Variants in RBFOX1 observed in about 807,000 individuals in gnomAD.
The protein encoded by RBFOX1 is RNA binding protein fox-1 homolog 1.
RBFOX1 carries 8 observed loss-of-function variants against 57.7 expected under a neutral mutation model. The observed-to-expected ratio is 0.14, with a 90% confidence interval of 0.08 to 0.25. RBFOX1 has a LOEUF of 0.25. Ranked by LOEUF, RBFOX1 falls within the 10% of genes least tolerant of loss-of-function variation. The pLI is 1.00. For missense variants in RBFOX1, 611 were observed against 548.5 expected (o/e 1.11, Z -1.14); for synonymous variants, 326 against 222.4 (o/e 1.47, Z -4.15).
chr16:7,657,576 A>C (rs2066628584), intron 12 of RBFOX1, among the ~76,000 whole-genome samples: 1 of 152,214 alleles, frequency 6.6e-6, no homozygotes, highest in African/African-American at 2.4e-5. Flanking sequence ...AAGTGCTGGG[A>C]TTATAGGCGT....
chr16:5,606,242 C>T (rs2047573300), intron 3 of RBFOX1, among the ~76,000 whole-genome samples: 1 of 152,054 alleles, frequency 6.6e-6, no homozygotes, highest in South Asian at 2.1e-4. Context: ...TACTCTCCTC[C>T]CACCCTGTCC....
chr16:7,581,347 G>A (rs957410977), intron 6 of RBFOX1, among the ~76,000 whole-genome samples: 1 of 152,178 alleles, frequency 6.6e-6, no homozygotes, highest in African/African-American at 2.4e-5. Context: ...TTAAGTGTGT[G>A]TGAGGCAGTA....
chr16:5,597,230 C>T (rs553005555), intron 2 of RBFOX1, among the ~76,000 whole-genome samples: 1 of 146,222 alleles, frequency 6.8e-6, no homozygotes, highest in Non-Finnish European at 1.5e-5. Context: ...ATACACCTCT[C>T]CTTCCCACCC....
At chr16:7,537,107 G>A (rs1426675851) in intron 5 of RBFOX1, among the ~76,000 whole-genome samples, 4 of 152,192 alleles carry the variant, frequency 2.6e-5, no homozygotes, top group Non-Finnish European at 4.4e-5. Context: ...GTTTGATTTT[G>A]GGAATGATCT....
chr16:6,012,926 G>A (rs147578584), intron 4 of RBFOX1, among the ~76,000 whole-genome samples: 1 of 152,308 alleles, frequency 6.6e-6, no homozygotes, highest in East Asian at 1.9e-4. Flanking sequence ...TCTAGATCAC[G>A]TGACTGGGAA....
intron 1 of RBFOX1, among the ~76,000 whole-genome samples, chr16:5,423,303 C>A (rs1325375352): frequency 6.6e-6 from 1 of 151,946 alleles, no homozygotes; most frequent in Non-Finnish European, 1.5e-5. Context: ...AACCACAGAC[C>A]CTGTTCACTG....
intron 4 of RBFOX1, among the ~76,000 whole-genome samples, chr16:7,058,006 G>GAA (rs61023664): frequency 0.14 from 18,752 of 136,326 alleles, 1,518 homozygotes; most frequent in African/African-American, 0.18. Context: ...AGACTGTGGG[G>GAA]AAAAAAAAAA....
intron 2 of RBFOX1, among the ~76,000 whole-genome samples, chr16:6,613,720 C>A (rs749435987): frequency 2.0e-5 from 3 of 152,130 alleles, no homozygotes; most frequent in Non-Finnish European, 4.4e-5. Context: ...GCAGATCACT[C>A]GAGGCCAAGC....
intron 2 of RBFOX1, among the ~76,000 whole-genome samples, chr16:6,499,331 T>C (rs1039155694): frequency 6.6e-6 from 1 of 152,126 alleles, no homozygotes. Flanking sequence ...GCCTGTTTCC[T>C]TTGGGGTATT....
chr16:5,472,351 C>T (rs1052034728), intron 2 of RBFOX1, among the ~76,000 whole-genome samples: 2 of 151,982 alleles, frequency 1.3e-5, no homozygotes, highest in African/African-American at 2.4e-5. Flanking sequence ...CCAACATTGT[C>T]CCCCCAACCC....
chr16:7,349,945 G>A (rs1299300193), intron 4 of RBFOX1, among the ~76,000 whole-genome samples: 3 of 152,240 alleles, frequency 2.0e-5, no homozygotes, highest in South Asian at 4.1e-4. Flanking sequence ...TCAGGAGTTC[G>A]AGACCAGCCT....
chr16:7,501,262 T>C (rs749368533), intron 4 of RBFOX1, among the ~76,000 whole-genome samples: 1 of 152,170 alleles, frequency 6.6e-6, no homozygotes, highest in Non-Finnish European at 1.5e-5. Context: ...AGCACTAGAG[T>C]TACTTCCATT....
At chr16:7,705,946 A>G (rs554812805) in intron 14 of RBFOX1, among the ~76,000 whole-genome samples, 2 of 152,310 alleles carry the variant, frequency 1.3e-5, no homozygotes, top group Non-Finnish European at 2.9e-5. Flanking sequence ...CCAGGGATGC[A>G]TGGTGTGGAG....
At chr16:6,840,491 G>T (rs531076488) in intron 3 of RBFOX1, among the ~76,000 whole-genome samples, 10 of 152,200 alleles carry the variant, frequency 6.6e-5, no homozygotes, top group African/African-American at 2.2e-4. Context: ...CTAAATTTGT[G>T]TGTTGAAATT....
intron 3 of RBFOX1, among the ~76,000 whole-genome samples, chr16:7,001,320 G>C (rs2092767667): frequency 1.3e-5 from 2 of 151,936 alleles, no homozygotes; most frequent in South Asian, 4.1e-4. Flanking sequence ...GTCAACTTAT[G>C]TATTTCCTAC....
chr16:6,696,870 C>T (rs1236789310), intron 3 of RBFOX1, among the ~76,000 whole-genome samples: 1 of 152,170 alleles, frequency 6.6e-6, no homozygotes, highest in African/African-American at 2.4e-5. Flanking sequence ...AGTATTTTGT[C>T]TTACTAAAGC....
chr16:6,751,423 G>T lies in RBFOX1; in HGVS notation c.-16+96773G>T, dbSNP rs183273446. ...GAAGTTCCCTAAAGGAGGGTGGTCTGTATTCTTGGGGCATTTGTACCCTGA... is the reference window on the plus strand; with the variant it reads ...GAAGTTCCCTAAAGGAGGGTGGTCTTTATTCTTGGGGCATTTGTACCCTGA... On this transcript the variant is annotated intron_variant, in intron 3 of 15. Transcript: ENST00000550418. Among the ~76,000 whole-genome samples the T allele has an allele frequency of 2.3e-3, 357 of 152,244 alleles. 2 individuals carry two copies. Among genetic ancestry groups the T allele is most frequent in the African/African-American group, 8.1e-3 (336 of 41,546 alleles).
intron 3 of RBFOX1, among the ~76,000 whole-genome samples, chr16:6,718,459 T>C (rs2065273157): frequency 6.6e-6 from 1 of 151,984 alleles, no homozygotes; most frequent in Non-Finnish European, 1.5e-5. Context: ...TAATTGATGA[T>C]GGTGATAGGT....
chr16:5,700,122 A>G (rs565199205), intron 3 of RBFOX1, among the ~76,000 whole-genome samples: 19 of 152,270 alleles, frequency 1.2e-4, no homozygotes, highest in South Asian at 6.2e-4. Context: ...GTGAGCCACC[A>G]TGCCTGGCCA....
Sources: allele counts gnomAD v4.1 joint callset (sites outside exome capture counted in the v4.1 genomes callset), GRCh38; gene constraint gnomAD v4.1.1; transcripts MANE v1.5; gene names NCBI Gene and HGNC (gene_info 2026-07-23, HGNC 2026-07-21).